CPA6: variants seen among roughly 807,000 people sequenced by gnomAD.
CPA6 encodes the protein carboxypeptidase A6.
A neutral mutation model predicts 63.3 loss-of-function variants in CPA6; 58 were observed. The observed-to-expected ratio is 0.92, with a 90% confidence interval of 0.74 to 1.14. The LOEUF (loss-of-function observed/expected upper bound fraction) is 1.14, where lower values mean the gene tolerates loss of function less well. Among genes scored for constraint, CPA6 ranks in the 50% most tolerant of loss-of-function variants. CPA6 has a pLI of 0.00. For missense variants in CPA6, 565 were observed against 526.6 expected (o/e 1.07, Z -0.71); for synonymous variants, 185 against 179.0 (o/e 1.03, Z -0.27).
chr8:67,718,035 CGT>C (rs1433369492), intron 1 of CPA6, among the ~76,000 whole-genome samples: 3 of 152,050 alleles, frequency 2.0e-5, no homozygotes, highest in Non-Finnish European at 4.4e-5. Context: ...AAGACACAGA[CGT>C]GTGTGTGTCT....
intron 1 of CPA6, among the ~76,000 whole-genome samples, chr8:67,645,129 C>G (rs745505007): frequency 6.6e-6 from 1 of 152,060 alleles, no homozygotes; most frequent in African/African-American, 2.4e-5. Context: ...AATGAGGCAC[C>G]GCAAGCCTGA....
At chr8:67,488,727 G>A (rs898182115) in intron 6 of CPA6, among the ~76,000 whole-genome samples, 8 of 152,022 alleles carry the variant, frequency 5.3e-5, no homozygotes, top group South Asian at 2.1e-4. Context: ...CTTTTATTTC[G>A]TTGAGCGGTG....
At chr8:67,426,861 T>C (rs1809898251) in intron 10 of CPA6, among the ~76,000 whole-genome samples, 1 of 152,224 alleles carries the variant, frequency 6.6e-6, no homozygotes, top group African/African-American at 2.4e-5. Context: ...CTGAATCCAA[T>C]TCTTGTTACA....
At chr8:67,427,890 G>C (rs72654983) in intron 10 of CPA6, among the ~76,000 whole-genome samples, 157 bp downstream of exon 10, 1 of 152,146 alleles carries the variant, frequency 6.6e-6, no homozygotes. Context: ...TGTGTAAAAC[G>C]AATCAGATAT....
rs1327179388 is a variant in CPA6, at chr8:67,536,130, G to A, written c.193-18083C>T. Among the ~76,000 whole-genome samples, 5 of 152,314 alleles carry A rather than the reference G, an allele frequency of 3.3e-5. No individual in the cohort carries two copies. In the East Asian group the frequency reaches 7.7e-4, roughly 23 times the overall value. On this transcript the variant is annotated intron_variant, in intron 2 of 10. Coordinates refer to ENST00000297770, the MANE Select transcript of CPA6 (RefSeq NM_020361.5). ...AGTATGGTTTGAAGTCAGGTAGCGT[G>A]ATGCCTCCAGCTTTGTTGTTTTTGC...
intron 1 of CPA6, among the ~76,000 whole-genome samples, chr8:67,642,688 CAG>C (rs1381933424): frequency 6.6e-6 from 1 of 151,944 alleles, no homozygotes; most frequent in African/African-American, 2.4e-5. Flanking sequence ...TGATCCATGA[CAG>C]GGGTAGTATG....
rs147994581 is a variant in CPA6, at chr8:67,665,084, C to T, written c.117-40833G>A. Among the ~76,000 whole-genome samples, 102 of 152,232 alleles carry T rather than the reference C, an allele frequency of 6.7e-4. 2 individuals carry two copies. Among genetic ancestry groups the T allele is most frequent in the Admixed American group, 2.5e-3 (38 of 15,292 alleles). On this transcript the variant is annotated intron_variant, in intron 1 of 10. Transcript: ENST00000297770. ...TGCTTACGCTTCTGGAAAAAAAAAT[C>T]GGCAAAGTTTTCACTTTTAAAGGCC...
chr8:67,454,681 C>A (rs894395561), intron 8 of CPA6, among the ~76,000 whole-genome samples: 1 of 152,138 alleles, frequency 6.6e-6, no homozygotes, highest in African/African-American at 2.4e-5. Flanking sequence ...AGAACAACTG[C>A]GGAATATATA....
At chr8:67,722,706 T>G (rs573466965) in intron 1 of CPA6, among the ~76,000 whole-genome samples, 4 of 152,166 alleles carry the variant, frequency 2.6e-5, no homozygotes, top group Non-Finnish European at 5.9e-5. Flanking sequence ...CAGGGACATT[T>G]GGAGCACTTG....
chr8:67,529,287 G>T (rs1812427626), intron 2 of CPA6, among the ~76,000 whole-genome samples: 1 of 152,036 alleles, frequency 6.6e-6, no homozygotes, highest in Non-Finnish European at 1.5e-5. Flanking sequence ...AAAATGTAAA[G>T]ATAAAAAGCA....
chr8:67,500,620 A>T (rs543338797), intron 6 of CPA6, among the ~76,000 whole-genome samples: 3 of 152,018 alleles, frequency 2.0e-5, no homozygotes, highest in African/African-American at 7.2e-5. Flanking sequence ...TTGGTTTTAG[A>T]TCCTGAAGAT....
chr8:67,672,002 GTAT>G (rs1816359106), intron 1 of CPA6, among the ~76,000 whole-genome samples: 1 of 151,916 alleles, frequency 6.6e-6, no homozygotes, highest in African/African-American at 2.4e-5. Context: ...GCTAATTTTT[GTAT>G]TTTTAGTAGA....
Position 67,703,112 on chromosome 8 carries a change from C to T in CPA6, c.116+42902G>A, listed in dbSNP as rs564645841. Reference sequence around the variant, plus strand: ...GGTGCCATGTGACTTGGATATGTTCCCCAGTGGTGAGATACCTCTATGCCT... The same window carrying T: ...GGTGCCATGTGACTTGGATATGTTCTCCAGTGGTGAGATACCTCTATGCCT... On this transcript the variant is annotated intron_variant, in intron 1 of 10. Transcript: ENST00000297770. 2.6e-5 allele frequency among the ~76,000 whole-genome samples: 4 copies of T among 152,222 alleles called. No homozygotes were observed. The East Asian group carries it at 5.8e-4, about 22-fold the overall frequency.
Position 67,688,793 on chromosome 8 carries a change from A to G in CPA6, c.116+57221T>C, listed in dbSNP as rs73683170. Among the ~76,000 whole-genome samples, 1,096 of 152,236 alleles carry G rather than the reference A, an allele frequency of 7.2e-3. 18 individuals carry two copies. The highest frequency in any genetic ancestry group is 0.025 in the African/African-American group (1,038 of 41,538). ...TCTTTTTCTGTCCACCCATTCCCTT[A>G]TCCCTAGAAGCAGCTCTTATGATCC... On this transcript the variant is annotated intron_variant, in intron 1 of 10. Transcript: ENST00000297770.
intron 2 of CPA6, among the ~76,000 whole-genome samples, chr8:67,573,083 TA>T (rs1030527800): frequency 1.3e-5 from 2 of 152,208 alleles, no homozygotes; most frequent in African/African-American, 2.4e-5. Context: ...CTTTTCATGA[TA>T]AAACCACTCA....
At chr8:67,713,133 A>ATATG (rs1817307209) in intron 1 of CPA6, among the ~76,000 whole-genome samples, 2 of 134,172 alleles carry the variant, frequency 1.5e-5, no homozygotes, top group South Asian at 2.4e-4. Flanking sequence ...ATATATATAT[A>ATATG]TATATATTAA....
chr8:67,447,939 C>G (rs1301219770), intron 8 of CPA6, among the ~76,000 whole-genome samples: 2 of 152,160 alleles, frequency 1.3e-5, no homozygotes, highest in Non-Finnish European at 2.9e-5. Context: ...CGTGTGCCAC[C>G]ACGCCAGGCT....
intron 1 of CPA6, among the ~76,000 whole-genome samples, chr8:67,672,473 C>G (rs897684181): frequency 7.9e-5 from 12 of 152,172 alleles, no homozygotes. Context: ...CAGTAACCTA[C>G]AAGTCCTCCT....
intron 8 of CPA6, among the ~76,000 whole-genome samples, chr8:67,479,108 C>G (rs1811304107): frequency 6.6e-6 from 1 of 152,202 alleles, no homozygotes; most frequent in African/African-American, 2.4e-5. Flanking sequence ...CTTTGAAGAA[C>G]AGCAGATCCT....
Sources: gnomAD v4.1 joint callset for allele counts (sites outside exome capture counted in the v4.1 genomes callset) on GRCh38, gnomAD v4.1.1 for gene constraint, MANE v1.5 for transcripts, NCBI Gene and HGNC (gene_info 2026-07-23, HGNC 2026-07-21) for gene names.